Variants in AKAP19 observed in about 807,000 individuals in gnomAD.
AKAP19 encodes A-kinase anchoring protein 19.
the AKAP19 span, among the ~76,000 whole-genome samples, chr2:189,948,880 A>T: frequency 6.6e-6 from 1 of 151,620 alleles, no homozygotes; most frequent in African/African-American, 2.4e-5. Context: ...TCACCTCAAG[A>T]TTATGTAGGT....
chr2:189,924,624 T>C, the AKAP19 span, among the ~76,000 whole-genome samples: 3 of 152,158 alleles, frequency 2.0e-5, no homozygotes, highest in African/African-American at 7.2e-5. Context: ...TGAGTAGCTC[T>C]TGAAAGCAGC....
chr2:190,127,727 T>C, the AKAP19 span, among the ~76,000 whole-genome samples: 3 of 152,182 alleles, frequency 2.0e-5, no homozygotes, highest in African/African-American at 7.2e-5. Context: ...TATAAACTTA[T>C]ATCAACATCA....
the AKAP19 span, among the ~76,000 whole-genome samples, chr2:189,897,690 G>A: frequency 6.6e-6 from 1 of 152,110 alleles, no homozygotes; most frequent in Non-Finnish European, 1.5e-5. Flanking sequence ...AAAACTATCA[G>A]TGTAATATCT....
chr2:189,994,680 C>T, the AKAP19 span, among the ~76,000 whole-genome samples: 2 of 152,066 alleles, frequency 1.3e-5, no homozygotes, highest in African/African-American at 2.4e-5. Flanking sequence ...CTCACTGCAA[C>T]CTCCGCCTCC....
chr2:189,899,894 G>A, the AKAP19 span, among the ~76,000 whole-genome samples: 1 of 151,848 alleles, frequency 6.6e-6, no homozygotes, highest in African/African-American at 2.4e-5. Context: ...AATTTTAAAG[G>A]AAAACAAATC....
At chr2:189,940,427 C>CG in the AKAP19 span, among the ~76,000 whole-genome samples, 14,518 of 149,894 alleles carry the variant, frequency 0.097, 902 homozygotes, top group Middle Eastern at 0.19. Context: ...GCCTGGGCAA[C>CG]GGGGGGGAAA....
chr2:190,100,035 T>C, the AKAP19 span, among the ~76,000 whole-genome samples: 2 of 151,934 alleles, frequency 1.3e-5, no homozygotes, highest in African/African-American at 4.8e-5. Flanking sequence ...AACACTGGAG[T>C]TGGTTCTACT....
chr2:190,010,536 A>C, the AKAP19 span, among the ~76,000 whole-genome samples: 1 of 152,208 alleles, frequency 6.6e-6, no homozygotes. Context: ...TAAAGAAAAA[A>C]TAAAATGTAA....
chr2:190,093,297 G>T, the AKAP19 span, among the ~76,000 whole-genome samples: 2 of 152,014 alleles, frequency 1.3e-5, no homozygotes, highest in Non-Finnish European at 2.9e-5. Flanking sequence ...GCCGGGAGTG[G>T]TGGTGGACGC....
chr2:190,168,413 C>T, the AKAP19 span, among the ~76,000 whole-genome samples: 6 of 151,522 alleles, frequency 4.0e-5, no homozygotes, highest in African/African-American at 1.2e-4. Flanking sequence ...TCCACCCCCA[C>T]CCCCCCACCG....
the AKAP19 span, among the ~76,000 whole-genome samples, chr2:190,195,151 C>T: frequency 6.6e-6 from 1 of 152,068 alleles, no homozygotes; most frequent in Non-Finnish European, 1.5e-5. Flanking sequence ...CGTGACTATG[C>T]CCAGCCTAAC....
the AKAP19 span, among the ~76,000 whole-genome samples, chr2:190,011,676 A>T: frequency 6.6e-6 from 1 of 152,144 alleles, no homozygotes; most frequent in Non-Finnish European, 1.5e-5. Flanking sequence ...GACATCATTT[A>T]TTGAAGACAC....
chr2:190,123,370 ATTTG>A, the AKAP19 span, among the ~76,000 whole-genome samples: 1 of 151,956 alleles, frequency 6.6e-6, no homozygotes, highest in Non-Finnish European at 1.5e-5. Flanking sequence ...ACTACCTGTG[ATTTG>A]TTTGTTTCCC....
chr2:189,963,049 T>C, the AKAP19 span, among the ~76,000 whole-genome samples: 381 of 152,258 alleles, frequency 2.5e-3, 1 homozygote, highest in Non-Finnish European at 4.0e-3. Context: ...TCCTTTGTTG[T>C]CATTTTAGCA....
the AKAP19 span, among the ~76,000 whole-genome samples, chr2:189,935,380 T>C: frequency 6.6e-6 from 1 of 152,064 alleles, no homozygotes; most frequent in Non-Finnish European, 1.5e-5. Context: ...CAAGCTAACA[T>C]TGGTAAAGTA....
the AKAP19 span, among the ~76,000 whole-genome samples, chr2:190,077,692 G>A: frequency 0.12 from 18,711 of 151,984 alleles, 3,042 homozygotes; most frequent in African/African-American, 0.37. Flanking sequence ...GAGTGCAGGG[G>A]ATTGTAAATA....
chr2:189,992,050 ATTTT>A, the AKAP19 span, among the ~76,000 whole-genome samples: 1 of 121,966 alleles, frequency 8.2e-6, no homozygotes, highest in African/African-American at 3.0e-5. Context: ...TATTAAATAG[ATTTT>A]TTTTTTTTTT....
chr2:190,097,536 C>T, the AKAP19 span, among the ~76,000 whole-genome samples: 1 of 151,980 alleles, frequency 6.6e-6, no homozygotes, highest in African/African-American at 2.4e-5. Flanking sequence ...AGCATTTTAC[C>T]CATCAAACTT....
chr2:190,100,310 G>A, the AKAP19 span, among the ~76,000 whole-genome samples: 1 of 152,142 alleles, frequency 6.6e-6, no homozygotes, highest in African/African-American at 2.4e-5. Context: ...CTGACTATGT[G>A]GAAGGACTTT....
Sources: allele counts gnomAD v4.1 joint callset (sites outside exome capture counted in the v4.1 genomes callset), GRCh38; gene constraint gnomAD v4.1.1; transcripts MANE v1.5; gene names NCBI Gene and HGNC (gene_info 2026-07-23, HGNC 2026-07-21).